The following ADHFE1 variants were observed in gnomAD, a reference collection of about 807,000 sequenced individuals.
The protein encoded by ADHFE1 is alcohol dehydrogenase iron containing 1.
Under a neutral mutation model 54.8 loss-of-function variants are expected in ADHFE1, and 37 were observed. That is an observed-to-expected ratio of 0.68 (90% CI 0.52 to 0.89). ADHFE1 has a LOEUF of 0.89. ADHFE1 is among the 40% of genes least tolerant of loss of function. The pLI is 0.00. For missense variants in ADHFE1, 601 were observed against 591.2 expected (o/e 1.02, Z -0.17); for synonymous variants, 203 against 229.3 (o/e 0.89, Z 1.04).
In ADHFE1 at chr8:66,444,644, C is replaced by T; in HGVS notation, c.249C>T (p.Asn83=). 6.2e-7 allele frequency: 1 copy of T among 1,614,194 alleles called. No individual in the cohort carries two copies. The highest frequency in any genetic ancestry group is 8.5e-7 in the Non-Finnish European group (1 of 1,180,038). The change falls in exon 5 of 14, where the codon AAC becomes AAT. Residue 83 remains asparagine (N), a synonymous_variant. Transcript: ENST00000396623. ...ATGTGTGCTTGATGACAGACAAGAACCTCTCCAAGCTCCCTCCTGTGCAAG... is the reference window on the plus strand; with the variant it reads ...ATGTGTGCTTGATGACAGACAAGAATCTCTCCAAGCTCCCTCCTGTGCAAG... ...AKNVCLMTDK[N]LSKLPPVQVA...
In ADHFE1 at chr8:66,445,228, G is replaced by A. The variant is rs775870575; in HGVS notation, c.364G>A (p.Ala122Thr). Residue 122 changes from alanine (A) to threonine (T), a missense_variant, in exon 6 of 14, where the codon GCT becomes ACT. Transcript: ENST00000396623. ...VEPTDSSFME[A>T]IEFAQKGAFD... ...TTTCTCTTCTCCAAGCTTCATGGAAGCTATTGAGTTTGCCCAAAAGGGAGC... is the reference window on the plus strand; with the variant it reads ...TTTCTCTTCTCCAAGCTTCATGGAAACTATTGAGTTTGCCCAAAAGGGAGC... 1 of 1,601,958 alleles carries A rather than the reference G, an allele frequency of 6.2e-7. No homozygotes were observed. Among genetic ancestry groups the A allele is most frequent in the Admixed American group, 1.8e-5 (1 of 56,776 alleles).
rs200118083 is a variant in ADHFE1, at chr8:66,459,432, T to TATA, written c.1163-876_1163-875insATA. The TATA allele has an allele frequency of 8.0e-3, 649 of 81,602 alleles. 3 individuals are homozygous for TATA. Among genetic ancestry groups the TATA allele is most frequent in the Middle Eastern group, 0.028 (5 of 180 alleles). The allele number at this position is 81,602 out of a possible 1,614,324, so 5.1% of individuals were successfully genotyped here. ...TTATTATATATATATATATATATATTTTTTTTTTTTTTTTAACAGAGACAG... is the reference window on the plus strand; with the variant it reads ...TTATTATATATATATATATATATATTATATTTTTTTTTTTTTTAACAGAGACAG... On this transcript the variant is annotated intron_variant, in intron 12 of 13. Transcript: ENST00000396623.
At chr8:66,436,066 CCACCACA>C (rs1805451119) in intron 1 of ADHFE1, among the ~76,000 whole-genome samples, 1 of 151,962 alleles carries the variant, frequency 6.6e-6, no homozygotes. Flanking sequence ...CAGGCACACA[CCACCACA>C]CCTGGCTAAT....
At chr8:66,454,794 A>C (rs1437388493) in intron 10 of ADHFE1, among the ~76,000 whole-genome samples, 1 of 151,412 alleles carries the variant, frequency 6.6e-6, no homozygotes, top group African/African-American at 2.4e-5. Flanking sequence ...GCTCACTGCA[A>C]CCTCCACCTC....
At chr8:66,456,161 G>A (rs1586475784) in intron 10 of ADHFE1, among the ~76,000 whole-genome samples, 1 of 151,864 alleles carries the variant, frequency 6.6e-6, no homozygotes. Context: ...GAATTTTTCA[G>A]TAAAAACAAA....
chr8:66,434,066 C>A (rs1805340265), intron 1 of ADHFE1, among the ~76,000 whole-genome samples: 1 of 152,224 alleles, frequency 6.6e-6, no homozygotes, highest in Non-Finnish European at 1.5e-5. Context: ...TTGTCCTGCT[C>A]CAGCCTGAAG....
Position 66,467,589 on chromosome 8 carries a change from A to G in ADHFE1, c.1321-680A>G, listed in dbSNP as rs13267668. ...ATGCCCAGAGACCCATGAAAATGGA[A>G]CCTCAAAATGGACATTCCTCAGTTT... On this transcript the variant is annotated intron_variant, in intron 13 of 13. Coordinates refer to ENST00000396623, the MANE Select transcript of ADHFE1 (RefSeq NM_144650.3). Among the ~76,000 whole-genome samples, 712 of 152,246 alleles carry G rather than the reference A, an allele frequency of 4.7e-3. 1 individual carries two copies. Among genetic ancestry groups the G allele is most frequent in the Middle Eastern group, 0.014 (4 of 294 alleles).
rs763655255 is a variant in ADHFE1, at chr8:66,444,743, T to G, written c.348T>G (p.Asp116Glu). 2.5e-6 allele frequency: 4 copies of G among 1,613,936 alleles called. No individual in the cohort carries two copies. The South Asian group carries it at 4.4e-5, about 18-fold the overall frequency. ...ATAATGTGAGAGTGGAACCAACGGA[T>G]TCAAGGTATTCTTGTATTGTTGTTA... is the stretch of plus-strand genomic sequence containing the variant. ...VYDNVRVEPT[D>E]SSFMEAIEFA... The change falls in exon 5 of 14, where the codon GAT becomes GAG. Residue 116 changes from aspartate (D) to glutamate (E), a missense_variant. Asp to Glu is a conservative substitution (Grantham distance 45). Transcript: ENST00000396623.
intron 10 of ADHFE1, 46 bp from the exon 11 acceptor site, chr8:66,456,771 A>G (rs1177700389): frequency 6.8e-7 from 1 of 1,465,772 alleles, no homozygotes; most frequent in African/African-American, 1.4e-5. Context: ...GTTGACTTGA[A>G]TTTTGATAAC....
At chr8:66,453,992 C>A (rs975102340) in intron 9 of ADHFE1, 67 bp from the exon 10 acceptor site, 4 of 1,575,928 alleles carry the variant, frequency 2.5e-6, no homozygotes, top group Non-Finnish European at 3.4e-6. Flanking sequence ...TTCCCTAAGG[C>A]AGCTCCTTAT....
At chr8:66,434,063 G>T (rs1383493527) in intron 1 of ADHFE1, among the ~76,000 whole-genome samples, 4 of 152,228 alleles carry the variant, frequency 2.6e-5, no homozygotes. Flanking sequence ...TCATTGTCCT[G>T]CTCCAGCCTG....
rs1204488563 is a variant in ADHFE1, at chr8:66,457,155, C to T, written c.1151C>T (p.Ala384Val). The T allele has an allele frequency of 6.2e-7, 1 of 1,612,854 alleles. No individual in the cohort carries two copies. Among genetic ancestry groups the T allele is most frequent in the Non-Finnish European group, 8.5e-7 (1 of 1,179,350 alleles). ...TTTCCAGAGCGACACCTGGAGATGG[C>T]AGAAATACTGGGTATGAACCATTAC... Reference protein sequence around the residue: ...QMFPERHLEMAEILGADTRTA... With the variant: ...QMFPERHLEMVEILGADTRTA... Residue 384 changes from alanine (A) to valine (V), a missense_variant, in exon 12 of 14, where the codon GCA becomes GTA. Coordinates refer to ENST00000396623, the MANE Select transcript of ADHFE1 (RefSeq NM_144650.3).
At chr8:66,457,270 G>C in intron 12 of ADHFE1, 104 bp downstream of exon 12, 2 of 1,049,744 alleles carry the variant, frequency 1.9e-6, no homozygotes. Flanking sequence ...CTTGAGCCCA[G>C]GAGTTCAAGA....
In ADHFE1 at chr8:66,460,345, GC is replaced by G; in HGVS notation, c.1201del (p.Leu401TrpfsTer20). The G allele has an allele frequency of 6.2e-7, 1 of 1,614,212 alleles. No homozygotes were observed. The highest frequency in any genetic ancestry group is 2.2e-5 in the East Asian group (1 of 44,890). On this transcript the variant is annotated frameshift_variant, in exon 13 of 14. Transcript: ENST00000396623. LOFTEE classifies it high-confidence loss of function. Reference protein sequence around the residue: ...TRTARIQDAGLVLADTLRKFL... With the variant: ...TRTARIQDAGXVLADTLRKFL... ...GCACTGCCAGGATCCAAGATGCAGG[GC>G]TGGTGTTGGCAGACACGCTCCGGAA... is the stretch of plus-strand genomic sequence containing the variant.
intron 13 of ADHFE1, among the ~76,000 whole-genome samples, chr8:66,461,265 A>G (rs1455035737): frequency 6.6e-6 from 1 of 152,212 alleles, no homozygotes; most frequent in African/African-American, 2.4e-5. Flanking sequence ...CTCTTGGCCA[A>G]TATGGGAAAG....
In ADHFE1 at chr8:66,432,553, C is replaced by A; in HGVS notation, c.37C>A (p.Leu13Met). ...CGCCCGAGCCCGGGTCGCGTACTTGCTGAGGCAACTGCAACGCGCAGCGTG... is the reference window on the plus strand; with the variant it reads ...CGCCCGAGCCCGGGTCGCGTACTTGATGAGGCAACTGCAACGCGCAGCGTG... ...AAARARVAYL[L>M]RQLQRAACQC... Residue 13 changes from leucine to methionine, a missense_variant, in exon 1 of 14, where the codon CTG (leucine) becomes ATG (methionine). By Grantham distance (15) the Leu-to-Met change is conservative. Coordinates refer to ENST00000396623, the MANE Select transcript of ADHFE1 (RefSeq NM_144650.3). 7.4e-7 allele frequency: 1 copy of A among 1,354,056 alleles called. No homozygotes were observed. 83.9% of individuals were successfully genotyped at this position (1,354,056 alleles called of 1,614,324 possible). A position where few individuals can be genotyped will look rare whatever the true frequency, so the allele number is the denominator to read the frequency against.
In ADHFE1 at chr8:66,451,907, G is replaced by A. The variant is rs769601164; in HGVS notation, c.735-46G>A. ...GTTGTGATCTAAATGGAGGGAAGGA[G>A]GAAGATGACGCTTTCCATCTGTGTA... On this transcript the variant is annotated intron_variant, in intron 8 of 13. Coordinates refer to ENST00000396623, the MANE Select transcript of ADHFE1 (RefSeq NM_144650.3). The A allele has an allele frequency of 3.6e-5, 58 of 1,598,072 alleles. No homozygotes were observed. In the East Asian group the frequency reaches 1.1e-3, roughly 30 times the overall value.
intron 3 of ADHFE1, 95 bp from the exon 4 acceptor site, chr8:66,444,272 A>G: frequency 8.6e-7 from 1 of 1,160,702 alleles, no homozygotes; most frequent in Non-Finnish European, 1.3e-6. Flanking sequence ...TGTATACTTT[A>G]TGCTCTAGGC....
intron 9 of ADHFE1, chr8:66,453,813 C>A: frequency 6.8e-7 from 1 of 1,462,338 alleles, no homozygotes; most frequent in Non-Finnish European, 9.2e-7. Flanking sequence ...TCCCCCGGCG[C>A]TTTTACATCA....
Sources: allele counts gnomAD v4.1 joint callset (sites outside exome capture counted in the v4.1 genomes callset), GRCh38; gene constraint gnomAD v4.1.1; transcripts MANE v1.5; gene names NCBI Gene and HGNC (gene_info 2026-07-23, HGNC 2026-07-21).